CXorf38: variants seen among roughly 807,000 people sequenced by gnomAD.
CXorf38 encodes the protein uncharacterized protein CXorf38.
CXorf38 carries 13 observed loss-of-function variants against 27.5 expected under a neutral mutation model. The ratio of observed to expected loss-of-function variants is 0.47; its 90% CI spans 0.31 to 0.75. CXorf38 has a LOEUF of 0.75. Ranked by LOEUF, CXorf38 falls within the 30% of genes least tolerant of loss-of-function variation. CXorf38 has a pLI of 0.05. For missense variants in CXorf38, 240 were observed against 253.2 expected (o/e 0.95, Z 0.35); for synonymous variants, 100 against 99.8 (o/e 1.00, Z -0.01).
At chrX:40,645,615 CT>C (rs1269895738) in intron 2 of CXorf38, among the ~76,000 whole-genome samples, 6 of 110,159 alleles carry the variant, frequency 5.4e-5, no homozygotes, top group Non-Finnish European at 1.1e-4. Flanking sequence ...CTGGGGACCC[CT>C]GATACAGTTC....
At chrX:40,636,761 T>C in intron 4 of CXorf38, 49 bp from the exon 5 acceptor site, 1 of 1,023,503 alleles carries the variant, frequency 9.8e-7, no homozygotes, top group Non-Finnish European at 1.3e-6. Flanking sequence ...GAAGAAGGCA[T>C]TCCACTGAAT....
chrX:40,641,118 G>A (rs1928302380), intron 2 of CXorf38, among the ~76,000 whole-genome samples: 1 of 110,011 alleles, frequency 9.1e-6, no homozygotes, highest in Non-Finnish European at 1.9e-5. Flanking sequence ...TTCGGAGGCT[G>A]AAATGGGAAG....
chrX:40,646,884 C>A (rs1391029105), intron 2 of CXorf38, 123 bp downstream of exon 2: 4 of 870,192 alleles, frequency 4.6e-6, no homozygotes, highest in Non-Finnish European at 6.2e-6. Flanking sequence ...ACCGCCTAGA[C>A]CCTTGATCAA....
rs375793243 is a variant in CXorf38 at position 40,633,448 on chromosome X, G to A, written c.802-2675C>T. Among the ~76,000 whole-genome samples the A allele has an allele frequency of 8.1e-5, 9 of 110,611 alleles. No individual in the cohort carries two copies. The South Asian group carries it at 1.2e-3, about 14-fold the overall frequency. On this transcript the variant is annotated intron_variant, in intron 5 of 6. Transcript: ENST00000327877. The stretch of plus-strand genomic sequence containing the variant: ...CGTCCCCACTCTGCCAATCCTGATC[G>A]CCCTCCCTCTGCTCTACACTGGATT...
chrX:40,630,600 C>G lies in CXorf38; in HGVS notation c.*1+14G>C. The stretch of plus-strand genomic sequence containing the variant: ...TTCTGTCCTTCTTTAACACCATCAT[C>G]TGCCTGAACTCACCTCAGGCCTTCC... On this transcript the variant is annotated intron_variant, in intron 6 of 6. Transcript: ENST00000327877. The G allele has an allele frequency of 8.3e-7, 1 of 1,199,161 alleles. No individual in the cohort carries two copies. Among genetic ancestry groups the G allele is most frequent in the Non-Finnish European group, 1.1e-6 (1 of 887,805 alleles).
chrX:40,633,869 G>C (rs1475771795), intron 5 of CXorf38, among the ~76,000 whole-genome samples: 2 of 111,246 alleles, frequency 1.8e-5, no homozygotes, highest in Admixed American at 1.9e-4. Flanking sequence ...TCCTAACAGA[G>C]CAATGAGGGC....
chrX:40,633,631 AAT>A (rs2146570353), intron 5 of CXorf38, among the ~76,000 whole-genome samples: 1 of 111,699 alleles, frequency 9.0e-6, no homozygotes, highest in East Asian at 2.8e-4. Context: ...AAATTTCTAG[AAT>A]ATAACGAATG....
intron 3 of CXorf38, among the ~76,000 whole-genome samples, chrX:40,637,402 G>T (rs765739813): frequency 1.8e-5 from 2 of 111,617 alleles, no homozygotes; most frequent in South Asian, 7.7e-4. Context: ...GTTTCATCCT[G>T]TCTAGAGGGC....
chrX:40,639,235 T>C, intron 2 of CXorf38, 107 bp from the exon 3 acceptor site: 1 of 866,898 alleles, frequency 1.2e-6, no homozygotes, highest in Non-Finnish European at 1.6e-6. Flanking sequence ...AGTTCTCTTA[T>C]GCACTGAGGT....
intron 4 of CXorf38, 110 bp downstream of exon 4, chrX:40,636,897 C>T (rs372005729): frequency 3.5e-6 from 3 of 868,325 alleles, no homozygotes; most frequent in African/African-American, 2.0e-5. Flanking sequence ...CCCCTGCTTA[C>T]ATTCTAACAC....
At chrX:40,630,545 G>T in intron 6 of CXorf38, 69 bp downstream of exon 6, 2 of 1,024,931 alleles carry the variant, frequency 2.0e-6, no homozygotes, top group Non-Finnish European at 2.7e-6. Context: ...GGCCTCACAT[G>T]AGAGAATAGA....
rs4073733 is a variant in CXorf38 at position 40,647,174 on chromosome X, A to T, written c.217-33T>A. 4.5e-3 allele frequency: 5,371 copies of T among 1,189,563 alleles called. 145 individuals are homozygous for T. In the African/African-American group the frequency reaches 0.087, roughly 19 times the overall value. On this transcript the variant is annotated intron_variant, in intron 1 of 6. Transcript: ENST00000327877. The stretch of plus-strand genomic sequence containing the variant: ...GGGCGGCGGTGAGGAGGGGCCCAGG[A>T]GGGAGGGACGTCGCGGTGGGCCCCG...
At chrX:40,636,291 T>G (rs1009742134) in intron 5 of CXorf38, among the ~76,000 whole-genome samples, 1 of 112,645 alleles carries the variant, frequency 8.9e-6, no homozygotes, top group African/African-American at 3.2e-5. Context: ...ATTGTAGCCT[T>G]TATCACATTT....
intron 2 of CXorf38, among the ~76,000 whole-genome samples, chrX:40,644,032 G>A (rs1206553047): frequency 8.9e-6 from 1 of 111,987 alleles, no homozygotes; most frequent in Non-Finnish European, 1.9e-5. Context: ...ATCAGCTGAT[G>A]GGTATTTGGG....
rs1927699047 is a variant in CXorf38, at chrX:40,629,946, T to C, written c.*218A>G. 8.9e-6 allele frequency: 1 copy of C among 111,829 alleles called. No individual in the cohort carries two copies. The highest frequency in any genetic ancestry group is 1.9e-5 in the Non-Finnish European group (1 of 53,191). 9.2% of individuals were successfully genotyped at this position (111,829 alleles called of 1,213,427 possible). ...GTAGCAAGTTTTGGCATAGAGTATC[T>C]AATATTTTTTATTGCAATAGATTAT... On this transcript the variant is annotated 3_prime_UTR_variant, in exon 7 of 7. Coordinates refer to ENST00000327877, the MANE Select transcript of CXorf38 (RefSeq NM_144970.3).
At position 40,627,187 on chromosome X, in the gene CXorf38, G is replaced by A. The variant is rs761186280; in HGVS notation, c.*2977C>T. The A allele has an allele frequency of 3.6e-5, 2 of 54,818 alleles. No individual in the cohort carries two copies. Among genetic ancestry groups the A allele is most frequent in the African/African-American group, 1.1e-4 (1 of 9,003 alleles). 4.5% of individuals were successfully genotyped at this position (54,818 alleles called of 1,213,427 possible). A position where few individuals can be genotyped will look rare whatever the true frequency, so the allele number is the denominator to read the frequency against. On this transcript the variant is annotated 3_prime_UTR_variant, in exon 7 of 7. Transcript: ENST00000327877. Reference sequence around the variant, plus strand: ...CAGCTTGCTATGCATTTTTTTTTTTGGGGGGGGGGGGTTGTTTTTTAGAGA... The same window carrying A: ...CAGCTTGCTATGCATTTTTTTTTTTAGGGGGGGGGGGTTGTTTTTTAGAGA...
Position 40,636,927 on chromosome X carries a change from C to T in CXorf38, c.621+80G>A. On this transcript the variant is annotated intron_variant, in intron 4 of 6. Coordinates refer to ENST00000327877, the MANE Select transcript of CXorf38 (RefSeq NM_144970.3). ...TAACACTTAGGTTAAATCTAATAAA[C>T]TTCAAATTCTAAATGTGTGGCTGTT... 3.1e-6 allele frequency: 3 copies of T among 973,478 alleles called. No individual in the cohort carries two copies. The South Asian group carries it at 7.3e-5, about 24-fold the overall frequency. 80.2% of individuals were successfully genotyped at this position (973,478 alleles called of 1,213,427 possible). A position where few individuals can be genotyped will look rare whatever the true frequency, so the allele number is the denominator to read the frequency against.
chrX:40,631,311 ATTT>A (rs1204368675), intron 5 of CXorf38, among the ~76,000 whole-genome samples: 1 of 104,203 alleles, frequency 9.6e-6, no homozygotes, highest in Non-Finnish European at 2.0e-5. Flanking sequence ...GTGTGTGTAT[ATTT>A]TTTGTTTTTT....
chrX:40,642,634 T>C (rs1040334710), intron 2 of CXorf38, among the ~76,000 whole-genome samples: 2 of 109,128 alleles, frequency 1.8e-5, no homozygotes, highest in African/African-American at 3.4e-5. Flanking sequence ...CGAGGCGGAG[T>C]TGGTTGAAGA....
Sources: allele counts gnomAD v4.1 joint callset (sites outside exome capture counted in the v4.1 genomes callset), GRCh38; gene constraint gnomAD v4.1.1; transcripts MANE v1.5; gene names NCBI Gene and HGNC (gene_info 2026-07-23, HGNC 2026-07-21).